Variants in SLC9A9 observed in about 807,000 individuals in gnomAD.
SLC9A9 encodes the protein sodium/hydrogen exchanger 9.
SLC9A9 carries 62 observed loss-of-function variants against 77.8 expected under a neutral mutation model. The ratio of observed to expected loss-of-function variants is 0.80; its 90% CI spans 0.65 to 0.98. The LOEUF is 0.98. Ranked by LOEUF, SLC9A9 falls within the 50% of genes least tolerant of loss-of-function variation. The probability of loss-of-function intolerance (pLI) is 0.00; values close to 1 mark genes in which losing one functional copy is unlikely to be tolerated. For synonymous variants in SLC9A9, 320 were observed against 283.5 expected, an observed-to-expected ratio of 1.13 and a Z score of -1.29; for missense variants, 775 against 774.9, an observed-to-expected ratio of 1.00 and a Z score of 0.00.
chr3:143,833,376 GAACA>G (rs2009487581), intron 1 of SLC9A9, among the ~76,000 whole-genome samples: 1 of 152,314 alleles, frequency 6.6e-6, no homozygotes, highest in Non-Finnish European at 1.5e-5. Flanking sequence ...GAAGATTCAT[GAACA>G]AACAATTATA....
chr3:143,593,675 G>A (rs1307508196), intron 6 of SLC9A9, among the ~76,000 whole-genome samples: 1 of 152,128 alleles, frequency 6.6e-6, no homozygotes, highest in African/African-American at 2.4e-5. Context: ...AGAGAAAGAG[G>A]GAGAGGGGCT....
intron 1 of SLC9A9, among the ~76,000 whole-genome samples, chr3:143,838,859 T>C (rs2009638317): frequency 6.6e-6 from 1 of 152,228 alleles, no homozygotes; most frequent in African/African-American, 2.4e-5. Context: ...AACATTTAAC[T>C]GTAAGATAGT....
chr3:143,470,446 C>T (rs1320021669), intron 11 of SLC9A9, among the ~76,000 whole-genome samples: 2 of 149,442 alleles, frequency 1.3e-5, no homozygotes, highest in Admixed American at 1.3e-4. Flanking sequence ...CGCCATTGTA[C>T]TCCAGCCTGG....
intron 14 of SLC9A9, among the ~76,000 whole-genome samples, chr3:143,348,802 T>A (rs760653745): frequency 6.6e-6 from 1 of 152,160 alleles, no homozygotes; most frequent in South Asian, 2.1e-4. Flanking sequence ...TGAAATTGTG[T>A]CTAGAACGCT....
At chr3:143,513,093 C>G (rs1474033728) in intron 9 of SLC9A9, among the ~76,000 whole-genome samples, 7 of 152,068 alleles carry the variant, frequency 4.6e-5, no homozygotes, top group Admixed American at 2.0e-4. Context: ...AAAAATAAGG[C>G]AACAATGAAG....
At chr3:143,565,954 T>C (rs772034600) in intron 8 of SLC9A9, among the ~76,000 whole-genome samples, 1 of 152,102 alleles carries the variant, frequency 6.6e-6, no homozygotes, top group Non-Finnish European at 1.5e-5. Flanking sequence ...GCATTTCCCA[T>C]CCAGTCATGC....
intron 14 of SLC9A9, among the ~76,000 whole-genome samples, chr3:143,290,820 C>A (rs796943862): frequency 6.6e-5 from 10 of 152,280 alleles, no homozygotes; most frequent in African/African-American, 2.2e-4. Context: ...AATTTAGATC[C>A]AGCACCTATC....
intron 12 of SLC9A9, among the ~76,000 whole-genome samples, chr3:143,410,924 A>G (rs1311387746): frequency 2.0e-5 from 3 of 152,168 alleles, no homozygotes; most frequent in African/African-American, 7.2e-5. Flanking sequence ...ATGTTTCTTA[A>G]TTTGCAAGTA....
At chr3:143,714,428 A>G (rs1934279110) in intron 4 of SLC9A9, among the ~76,000 whole-genome samples, 1 of 152,098 alleles carries the variant, frequency 6.6e-6, no homozygotes, top group African/African-American at 2.4e-5. Context: ...GCCATTTTAC[A>G]TTTTGAATTG....
intron 4 of SLC9A9, among the ~76,000 whole-genome samples, chr3:143,758,635 A>G (rs543414875): frequency 1.1e-4 from 16 of 152,206 alleles, no homozygotes; most frequent in African/African-American, 3.9e-4. Flanking sequence ...AAAATAGAGG[A>G]TAGTTAGAGA....
chr3:143,824,636 T>C (rs965971472), intron 2 of SLC9A9, among the ~76,000 whole-genome samples: 1 of 152,230 alleles, frequency 6.6e-6, no homozygotes, highest in African/African-American at 2.4e-5. Flanking sequence ...TTTTGTTCAC[T>C]ACCATACTTG....
chr3:143,486,413 T>C (rs375822305), intron 11 of SLC9A9, among the ~76,000 whole-genome samples: 6 of 152,242 alleles, frequency 3.9e-5, no homozygotes, highest in South Asian at 2.1e-4. Context: ...AAAAAGCTAG[T>C]ATTATTGCAT....
At chr3:143,610,768 CT>C (rs2038011364) in intron 6 of SLC9A9, among the ~76,000 whole-genome samples, 1 of 152,176 alleles carries the variant, frequency 6.6e-6, no homozygotes, top group African/African-American at 2.4e-5. Flanking sequence ...GAGAAATTAT[CT>C]GGAGAAATAG....
At chr3:143,456,838 T>C (rs1318075790) in intron 12 of SLC9A9, among the ~76,000 whole-genome samples, 1 of 152,152 alleles carries the variant, frequency 6.6e-6, no homozygotes, top group African/African-American at 2.4e-5. Flanking sequence ...GCTGGGATTA[T>C]AGGCGTGAGC....
chr3:143,536,754 A>C (rs540381743), intron 9 of SLC9A9, among the ~76,000 whole-genome samples: 2 of 152,350 alleles, frequency 1.3e-5, no homozygotes, highest in Non-Finnish European at 2.9e-5. Flanking sequence ...CCAAATCTTG[A>C]TAGTTCTAAG....
rs149384888 is a variant in SLC9A9 at position 143,795,953 on chromosome 3, C to CGTGT, written c.456+872_456+873insACAC. On this transcript the variant is annotated intron_variant, in intron 3 of 15. Transcript: ENST00000316549. ...TGACAGCAAGAGGGAGCCTGGAGTA[C>CGTGT]ACACAAGAAAATCAGGTCTGTGATG... is the stretch of plus-strand genomic sequence containing the variant. Among the ~76,000 whole-genome samples, 4 of 152,052 alleles carry CGTGT rather than the reference C, an allele frequency of 2.6e-5. No individual in the cohort carries two copies. The East Asian group carries it at 7.7e-4, about 29-fold the overall frequency.
intron 6 of SLC9A9, among the ~76,000 whole-genome samples, chr3:143,629,016 G>A (rs765355069): frequency 1.3e-5 from 2 of 152,134 alleles, no homozygotes; most frequent in Non-Finnish European, 2.9e-5. Flanking sequence ...TAACTATTTA[G>A]TCTTTTTGGG....
At chr3:143,696,499 T>G (rs893743926) in intron 4 of SLC9A9, among the ~76,000 whole-genome samples, 1 of 152,192 alleles carries the variant, frequency 6.6e-6, no homozygotes, top group Non-Finnish European at 1.5e-5. Context: ...TACTTTCTGA[T>G]CAACACTGGG....
At chr3:143,823,061 A>G (rs928629193) in intron 2 of SLC9A9, among the ~76,000 whole-genome samples, 1 of 152,222 alleles carries the variant, frequency 6.6e-6, no homozygotes, top group Admixed American at 6.5e-5. Flanking sequence ...GAGTAGCAGT[A>G]AAAAGGAGCT....
Sources: allele counts gnomAD v4.1 joint callset (sites outside exome capture counted in the v4.1 genomes callset), GRCh38; gene constraint gnomAD v4.1.1; transcripts MANE v1.5; gene names NCBI Gene and HGNC (gene_info 2026-07-23, HGNC 2026-07-21).